The following SHQ1 variants were observed in gnomAD, a reference collection of about 807,000 sequenced individuals.
SHQ1 encodes the protein SHQ1, H/ACA ribonucleoprotein assembly factor.
SHQ1 carries 49 observed loss-of-function variants against 53.8 expected under a neutral mutation model. The ratio of observed to expected loss-of-function variants is 0.91; its 90% confidence interval spans 0.72 to 1.16. The LOEUF (loss-of-function observed/expected upper bound fraction) is 1.16, where lower values mean the gene tolerates loss of function less well. Among genes scored for constraint, SHQ1 ranks in the 50% most tolerant of loss-of-function variants. The pLI, the probability that SHQ1 is intolerant of heterozygous loss-of-function variation, is 0.00. For synonymous variants in SHQ1, 243 were observed against 251.0 expected, an observed-to-expected ratio of 0.97 and a Z score of 0.30; for missense variants, 738 against 683.1, an observed-to-expected ratio of 1.08 and a Z score of -0.90.
At chr3:72,796,373 AATGAGG>A (rs1706622196) in intron 9 of SHQ1, among the ~76,000 whole-genome samples, 1 of 152,146 alleles carries the variant, frequency 6.6e-6, no homozygotes, top group Non-Finnish European at 1.5e-5. Context: ...TCACATATTT[AATGAGG>A]ATCCACAGCA....
intron 4 of SHQ1, among the ~76,000 whole-genome samples, chr3:72,836,093 T>C (rs980711607): frequency 2.0e-5 from 3 of 152,222 alleles, no homozygotes; most frequent in African/African-American, 7.2e-5. Flanking sequence ...GGGCCTGCTA[T>C]GGAGTAGAAA....
At chr3:72,833,444 TGATAGATA>T (rs56202141) in intron 4 of SHQ1, among the ~76,000 whole-genome samples, 12,504 of 140,346 alleles carry the variant, frequency 0.089, 642 homozygotes, top group African/African-American at 0.14. Flanking sequence ...CTATCAGAGA[TGATAGATA>T]GATAGATAGA....
downstream of SHQ1, chr3:72,749,131 TTGGTGGGAATGTAAAATGGTACAGCCA>T (rs1258920244): frequency 5.5e-6 from 1 of 182,750 alleles, no homozygotes; most frequent in African/African-American, 2.3e-5. Context: ...ACTATCACTT[TTGGTGGGAATGTAAAATGGTACAGCCA>T]TGCTGGAGAA....
intron 10 of SHQ1, among the ~76,000 whole-genome samples, chr3:72,790,940 A>G (rs1311482521): frequency 2.0e-5 from 3 of 152,174 alleles, no homozygotes; most frequent in Admixed American, 2.0e-4. Context: ...TAGCACAACA[A>G]TTACAAAGAA....
At chr3:72,776,737 C>T (rs899967465) in intron 10 of SHQ1, among the ~76,000 whole-genome samples, 1 of 152,148 alleles carries the variant, frequency 6.6e-6, no homozygotes, top group Non-Finnish European at 1.5e-5. Flanking sequence ...GTTTTAGTCT[C>T]TCCAAACTGA....
chr3:72,812,631 C>A, intron 9 of SHQ1, 40 bp downstream of exon 9: 1 of 1,606,400 alleles, frequency 6.2e-7, no homozygotes, highest in Non-Finnish European at 8.5e-7. Flanking sequence ...AAACTTACAA[C>A]TTTTTCCCTC....
At chr3:72,815,325 A>G (rs1249931192) in intron 8 of SHQ1, 25 bp downstream of exon 8, 2 of 1,603,746 alleles carry the variant, frequency 1.2e-6, no homozygotes, top group Non-Finnish European at 1.7e-6. Context: ...AACAAATTCT[A>G]AACAATTGCA....
chr3:72,841,269 G>A (rs1451571710), intron 3 of SHQ1, 70 bp from the exon 4 acceptor site: 7 of 1,227,642 alleles, frequency 5.7e-6, no homozygotes, highest in Middle Eastern at 2.5e-4. Flanking sequence ...AAAAAGTATA[G>A]GAAAAAATGC....
chr3:72,797,892 C>CTT (rs56688400), intron 9 of SHQ1, among the ~76,000 whole-genome samples: 3 of 151,262 alleles, frequency 2.0e-5, no homozygotes, highest in Non-Finnish European at 4.4e-5. Context: ...TGTGGCTGGG[C>CTT]TTTTTTTTTC....
At chr3:72,748,908 T>C (rs1037348310), downstream of SHQ1, among the ~76,000 whole-genome samples, 7 of 151,272 alleles carry the variant, frequency 4.6e-5, no homozygotes, top group Admixed American at 1.3e-4. Context: ...CAAGCGGAGA[T>C]TGCACCATTG....
intron 5 of SHQ1, among the ~76,000 whole-genome samples, chr3:72,831,507 A>G (rs1396308447): frequency 6.6e-6 from 1 of 152,238 alleles, no homozygotes; most frequent in African/African-American, 2.4e-5. Context: ...ACATGAGTGC[A>G]CTTTATAAGC....
At chr3:72,727,286 G>C in the SHQ1 span, among the ~76,000 whole-genome samples, 12 of 152,082 alleles carry the variant, frequency 7.9e-5, no homozygotes, top group Non-Finnish European at 1.5e-4. Flanking sequence ...CACAAACATG[G>C]CTTCAAAGCA....
intron 9 of SHQ1, among the ~76,000 whole-genome samples, chr3:72,800,640 C>A (rs1441693541): frequency 2.0e-5 from 3 of 152,188 alleles, no homozygotes; most frequent in Admixed American, 6.5e-5. Context: ...ATTGTATGAT[C>A]CTGTTTAATA....
intron 4 of SHQ1, among the ~76,000 whole-genome samples, chr3:72,840,669 T>C (rs1267025642): frequency 6.6e-6 from 1 of 152,196 alleles, no homozygotes; most frequent in African/African-American, 2.4e-5. Context: ...TTCTATTTCA[T>C]TTATATACAG....
In SHQ1 at chr3:72,792,984, T is replaced by C; in HGVS notation, c.1113A>G (p.Glu371=). Reference sequence around the variant, plus strand: ...CATTCAGTATGTACGCTGGGTCATTTTCCTGAAAAATTTTGTGAATATCCA... The same window carrying C: ...CATTCAGTATGTACGCTGGGTCATTCTCCTGAAAAATTTTGTGAATATCCA... ...CLLDIHKIFQ[E]NDPAYILNDL... is the part of the protein sequence containing the mutation. The change falls in exon 10 of 11, where the codon GAA becomes GAG. Residue 371 remains glutamate (E), a synonymous_variant. Transcript: ENST00000325599. 6.2e-7 allele frequency: 1 copy of C among 1,612,516 alleles called. No individual in the cohort carries two copies. Among genetic ancestry groups the C allele is most frequent in the Middle Eastern group, 1.8e-4 (1 of 5,492 alleles).
chr3:72,730,107 C>T, the SHQ1 span, among the ~76,000 whole-genome samples: 1 of 151,564 alleles, frequency 6.6e-6, no homozygotes, highest in Non-Finnish European at 1.5e-5. Flanking sequence ...CGTGAGCCAC[C>T]GTGCCCGGCC....
At chr3:72,751,830 C>T (rs1038796409) in intron 10 of SHQ1, among the ~76,000 whole-genome samples, 1 of 151,954 alleles carries the variant, frequency 6.6e-6, no homozygotes, top group African/African-American at 2.4e-5. Flanking sequence ...TAAATAGCTA[C>T]AATCCCCATG....
At chr3:72,800,112 T>C (rs1322003686) in intron 9 of SHQ1, among the ~76,000 whole-genome samples, 1 of 152,146 alleles carries the variant, frequency 6.6e-6, no homozygotes, top group East Asian at 1.9e-4. Context: ...TCATGAATGT[T>C]AACGACAATT....
intron 9 of SHQ1, among the ~76,000 whole-genome samples, chr3:72,801,174 G>T (rs946249339): frequency 1.3e-5 from 2 of 151,930 alleles, no homozygotes; most frequent in Admixed American, 1.3e-4. Context: ...ACAGTAAGGA[G>T]AAAAGTAGAT....
Sources: gnomAD v4.1 joint callset for allele counts (sites outside exome capture counted in the v4.1 genomes callset) on GRCh38, gnomAD v4.1.1 for gene constraint, MANE v1.5 for transcripts, NCBI Gene and HGNC (gene_info 2026-07-23, HGNC 2026-07-21) for gene names.